The following SLC9C1 variants were observed in gnomAD, a reference collection of about 807,000 sequenced individuals.
The protein encoded by SLC9C1 is solute carrier family 9 member C1, also known as sodium/hydrogen exchanger 10.
In SLC9C1, 97 loss-of-function variants were observed where a neutral mutation model predicts 140.9. The observed-to-expected ratio is 0.69, with a 90% confidence interval of 0.58 to 0.82. The LOEUF (loss-of-function observed/expected upper bound fraction) is 0.82, where lower values mean the gene tolerates loss of function less well. Ranked by LOEUF, SLC9C1 falls within the 40% of genes least tolerant of loss-of-function variation. The pLI is 0.00. For missense variants in SLC9C1, 1,340 were observed against 1,389.3 expected, an observed-to-expected ratio of 0.96 and a Z score of 0.56; for synonymous variants, 440 against 442.6, an observed-to-expected ratio of 0.99 and a Z score of 0.07.
At chr3:112,279,567 T>C (rs933183131) in intron 3 of SLC9C1, among the ~76,000 whole-genome samples, 3 of 152,216 alleles carry the variant, frequency 2.0e-5, no homozygotes, top group Non-Finnish European at 4.4e-5. Flanking sequence ...TAAGTGATTG[T>C]ACCAAATTCT....
At chr3:112,273,361 C>T (rs182063784) in intron 6 of SLC9C1, among the ~76,000 whole-genome samples, 21 of 151,808 alleles carry the variant, frequency 1.4e-4, no homozygotes, top group Non-Finnish European at 2.6e-4. Flanking sequence ...ATTGGAAGTA[C>T]CTAAAGATGA....
At chr3:112,247,563 A>G (rs1263878548) in intron 10 of SLC9C1, among the ~76,000 whole-genome samples, 1 of 152,158 alleles carries the variant, frequency 6.6e-6, no homozygotes, top group Non-Finnish European at 1.5e-5. Context: ...AAGCTGCACA[A>G]TTGAGTAGTG....
chr3:112,185,778 A>G, intron 20 of SLC9C1: 1 of 1,549,954 alleles, frequency 6.5e-7, no homozygotes, highest in Non-Finnish European at 8.7e-7. Context: ...CGTCCGCACG[A>G]TGCGGCTGCG....
intron 13 of SLC9C1, among the ~76,000 whole-genome samples, chr3:112,228,149 A>T (rs1037121538): frequency 6.6e-6 from 1 of 152,146 alleles, no homozygotes; most frequent in East Asian, 1.9e-4. Context: ...AAAATACACT[A>T]CAACCAACAA....
intron 28 of SLC9C1, among the ~76,000 whole-genome samples, chr3:112,149,932 A>G (rs2107847701): frequency 6.6e-6 from 1 of 152,262 alleles, no homozygotes; most frequent in South Asian, 2.1e-4. Flanking sequence ...CTGCACCACA[A>G]TCTCAGGGGA....
At chr3:112,285,712 G>A (rs13353474) in intron 2 of SLC9C1, among the ~76,000 whole-genome samples, 1,661 of 152,214 alleles carry the variant, frequency 0.011, 31 homozygotes, top group African/African-American at 0.037. Context: ...TGCACATCAA[G>A]TCTACAAACA....
In SLC9C1 at chr3:112,267,299, G is replaced by A. The variant is rs575468218; in HGVS notation, c.776-959C>T. 7.6e-4 allele frequency among the ~76,000 whole-genome samples: 115 copies of A among 151,852 alleles called. 3 individuals are homozygous for A. Among genetic ancestry groups the A allele is most frequent in the East Asian group, 7.8e-4 (4 of 5,134 alleles). On this transcript the variant is annotated intron_variant, in intron 7 of 28. Transcript: ENST00000305815. ...CTGTTTCTAAGAGAGAGACAGGGCC[G>A]GGCGTGGTGGCTCACGCCTGTAATC...
rs760429274 is a variant in SLC9C1 at position 112,151,976 on chromosome 3, A to C, written c.3418-13T>G. ...TGTGTGCTCCATCCTGGGATTCAAA[A>C]CACTTTGTTACTTGATGTCATGATA... is the stretch of plus-strand genomic sequence containing the variant. On this transcript the variant is annotated splice_polypyrimidine_tract_variant and intron_variant, in intron 27 of 28. Coordinates refer to ENST00000305815, the MANE Select transcript of SLC9C1 (RefSeq NM_183061.3). 2.0e-5 allele frequency: 32 copies of C among 1,566,510 alleles called. No homozygotes were observed. The highest frequency in any genetic ancestry group is 2.7e-5 in the Non-Finnish European group (32 of 1,164,684).
At chr3:112,290,497 G>A (rs2080647690) in intron 1 of SLC9C1, among the ~76,000 whole-genome samples, 1 of 152,146 alleles carries the variant, frequency 6.6e-6, no homozygotes, top group Non-Finnish European at 1.5e-5. Flanking sequence ...TTTAGAGTAT[G>A]TGTCACGTGG....
chr3:112,145,346 G>A (rs113641086), intron 28 of SLC9C1, among the ~76,000 whole-genome samples: 1,556 of 151,396 alleles, frequency 0.01, 25 homozygotes, highest in African/African-American at 0.036. Flanking sequence ...ATGTGCTGCT[G>A]GATTTAATTT....
At chr3:112,266,441 A>G (rs2079920573) in intron 7 of SLC9C1, 101 bp from the exon 8 acceptor site, 1 of 854,296 alleles carries the variant, frequency 1.2e-6, no homozygotes, top group Non-Finnish European at 1.8e-6. Flanking sequence ...CAGTACCATG[A>G]CTTTTATAGA....
chr3:112,208,030 C>A (rs917226921), intron 16 of SLC9C1, 148 bp downstream of exon 16: 16 of 551,884 alleles, frequency 2.9e-5, no homozygotes, highest in African/African-American at 2.7e-4. Context: ...CTATAAAAAT[C>A]ACCTTCAAAA....
rs893023936 is a variant in SLC9C1 at position 112,202,106 on chromosome 3, A to G, written c.2322+144T>C. 4 of 910,930 alleles carry G rather than the reference A, an allele frequency of 4.4e-6. 1 individual carries two copies. The African/African-American group carries it at 6.9e-5, about 16-fold the overall frequency. The allele number at this position is 910,930 out of a possible 1,614,324, so 56.4% of individuals were successfully genotyped here. The stretch of plus-strand genomic sequence containing the variant: ...CAGAAGGAGGCATTTGAGTAATTTA[A>G]ATGTAACCTAGTTTAAGTTTTTAAA... On this transcript the variant is annotated intron_variant, in intron 18 of 28. Coordinates refer to ENST00000305815, the MANE Select transcript of SLC9C1 (RefSeq NM_183061.3).
intron 12 of SLC9C1, among the ~76,000 whole-genome samples, chr3:112,232,395 A>G (rs1011396269): frequency 3.3e-5 from 5 of 152,206 alleles, no homozygotes; most frequent in Non-Finnish European, 7.3e-5. Context: ...TGATGCAGAC[A>G]AGTCAGCAAA....
intron 15 of SLC9C1, among the ~76,000 whole-genome samples, chr3:112,209,004 G>A (rs1371042483): frequency 6.6e-6 from 1 of 152,080 alleles, no homozygotes; most frequent in Non-Finnish European, 1.5e-5. Flanking sequence ...TATTCAATAT[G>A]ATGGAGAGTA....
chr3:112,205,271 G>C (rs1373772370), intron 16 of SLC9C1, among the ~76,000 whole-genome samples: 1 of 152,064 alleles, frequency 6.6e-6, no homozygotes, highest in African/African-American at 2.4e-5. Flanking sequence ...GTCAAACAGA[G>C]AGCCAAATCA....
Position 112,280,827 on chromosome 3 carries a change from T to C in SLC9C1, c.89-44A>G, listed in dbSNP as rs2108347840. On this transcript the variant is annotated intron_variant, in intron 2 of 28. Coordinates refer to ENST00000305815, the MANE Select transcript of SLC9C1 (RefSeq NM_183061.3). ...TACTGAAAGGCAATGAGATATCTCA[T>C]TTATAGAACTTTAATGTGACATGAT... 4 of 1,508,634 alleles carry C rather than the reference T, an allele frequency of 2.7e-6. No homozygotes were observed. The East Asian group carries it at 9.0e-5, about 34-fold the overall frequency. 93.5% of individuals were successfully genotyped at this position (1,508,634 alleles called of 1,614,324 possible).
intron 9 of SLC9C1, among the ~76,000 whole-genome samples, chr3:112,263,679 C>T (rs4234414): frequency 6.6e-6 from 1 of 151,518 alleles, no homozygotes; most frequent in Non-Finnish European, 1.5e-5. Flanking sequence ...AGATTAAAGA[C>T]CTATGAGACT....
intron 6 of SLC9C1, among the ~76,000 whole-genome samples, chr3:112,272,782 G>C (rs906240363): frequency 1.3e-5 from 2 of 152,104 alleles, no homozygotes; most frequent in African/African-American, 4.8e-5. Context: ...TACAAGGCAA[G>C]CTCTATGGAG....
Sources: gnomAD v4.1 joint callset for allele counts (sites outside exome capture counted in the v4.1 genomes callset) on GRCh38, gnomAD v4.1.1 for gene constraint, MANE v1.5 for transcripts, NCBI Gene and HGNC (gene_info 2026-07-23, HGNC 2026-07-21) for gene names.